Variants in LRP1B observed in about 807,000 individuals in gnomAD.
LRP1B encodes low-density lipoprotein receptor-related protein 1B.
Under a neutral mutation model 556.6 loss-of-function variants are expected in LRP1B, and 217 were observed. The ratio of observed to expected loss-of-function variants is 0.39; its 90% CI spans 0.35 to 0.44. The LOEUF is 0.44. Among genes scored for constraint, LRP1B ranks in the 20% least tolerant of loss-of-function variants. LRP1B has a pLI of 1.00. For missense variants in LRP1B, 5,053 were observed against 5,620.8 expected (o/e 0.90, Z 3.23); for synonymous variants, 2,047 against 1,865.8 (o/e 1.10, Z -2.50).
At chr2:141,963,028 A>G (rs1469661779) in intron 1 of LRP1B, among the ~76,000 whole-genome samples, 1 of 151,844 alleles carries the variant, frequency 6.6e-6, no homozygotes, top group African/African-American at 2.4e-5. Flanking sequence ...TTTATTCATT[A>G]GAAATGATTT....
intron 3 of LRP1B, among the ~76,000 whole-genome samples, chr2:141,364,307 A>G (rs1431476644): frequency 1.0e-4 from 15 of 150,352 alleles, no homozygotes; most frequent in African/African-American, 3.8e-4. Context: ...AAACACACAC[A>G]CAGTTGAATG....
chr2:141,402,393 T>C (rs1238945714), intron 3 of LRP1B, among the ~76,000 whole-genome samples: 1 of 152,080 alleles, frequency 6.6e-6, no homozygotes, highest in African/African-American at 2.4e-5. Context: ...TACAAAAATG[T>C]ATTTGGACCA....
intron 18 of LRP1B, among the ~76,000 whole-genome samples, chr2:140,958,936 T>A (rs987082052): frequency 1.3e-5 from 2 of 150,648 alleles, no homozygotes; most frequent in African/African-American, 4.9e-5. Context: ...ACCAGAAAAA[T>A]ATAAGAGGGA....
chr2:141,390,975 C>T (rs1690028937), intron 3 of LRP1B, among the ~76,000 whole-genome samples: 3 of 151,850 alleles, frequency 2.0e-5, no homozygotes, highest in Admixed American at 6.6e-5. Flanking sequence ...CAAATCATAT[C>T]CTTCACACTT....
intron 21 of LRP1B, among the ~76,000 whole-genome samples, chr2:140,913,978 C>T (rs1027049072): frequency 2.0e-5 from 3 of 151,970 alleles, no homozygotes; most frequent in Non-Finnish European, 4.4e-5. Context: ...GGGACCTGTT[C>T]AAAAAGCAAT....
intron 1 of LRP1B, among the ~76,000 whole-genome samples, chr2:141,855,659 A>G (rs1698026993): frequency 6.6e-6 from 1 of 152,116 alleles, no homozygotes; most frequent in South Asian, 2.1e-4. Context: ...AGACTGTTAG[A>G]GGTTTAGGGG....
At chr2:141,985,246 T>C (rs1702152691) in intron 1 of LRP1B, among the ~76,000 whole-genome samples, 2 of 152,212 alleles carry the variant, frequency 1.3e-5, no homozygotes, top group South Asian at 4.1e-4. Flanking sequence ...AGGTTAATAT[T>C]TAGAGGAGTA....
chr2:141,335,007 T>G (rs1687794153), intron 3 of LRP1B, among the ~76,000 whole-genome samples: 1 of 152,248 alleles, frequency 6.6e-6, no homozygotes, highest in Non-Finnish European at 1.5e-5. Context: ...TAACTCATTG[T>G]TGATTAAGAC....
At chr2:140,413,665 C>A (rs531348689) in intron 66 of LRP1B, among the ~76,000 whole-genome samples, 1 of 152,290 alleles carries the variant, frequency 6.6e-6, no homozygotes, top group South Asian at 2.1e-4. Flanking sequence ...CAAACATTCA[C>A]ATACCAGGAA....
intron 2 of LRP1B, among the ~76,000 whole-genome samples, chr2:141,702,400 C>G (rs1035042889): frequency 3.3e-5 from 5 of 151,966 alleles, no homozygotes; most frequent in African/African-American, 1.2e-4. Context: ...GGGATAGGTC[C>G]CAAGGTAGCT....
At chr2:141,588,595 C>A (rs1687220659) in intron 2 of LRP1B, among the ~76,000 whole-genome samples, 1 of 152,118 alleles carries the variant, frequency 6.6e-6, no homozygotes, top group South Asian at 2.1e-4. Flanking sequence ...ATACAAGTTC[C>A]CTCCATGGGC....
chr2:140,683,460 C>G, intron 41 of LRP1B: 1 of 554,730 alleles, frequency 1.8e-6, no homozygotes, highest in Non-Finnish European at 3.5e-6. Context: ...GATCATGTCT[C>G]CTTTTGGGGC....
chr2:141,750,708 C>A (rs1694076992), intron 2 of LRP1B, among the ~76,000 whole-genome samples: 1 of 151,868 alleles, frequency 6.6e-6, no homozygotes. Context: ...AACAGTGAAG[C>A]TTTTAAAATT....
At chr2:141,264,709 C>T (rs942249416) in intron 3 of LRP1B, among the ~76,000 whole-genome samples, 4 of 152,190 alleles carry the variant, frequency 2.6e-5, no homozygotes, top group African/African-American at 4.8e-5. Flanking sequence ...CCTGCCTTGG[C>T]CTCCCGAAGA....
At chr2:140,953,705 G>GA in intron 18 of LRP1B, among the ~76,000 whole-genome samples, 1 of 152,066 alleles carries the variant, frequency 6.6e-6, no homozygotes, top group Middle Eastern at 3.4e-3. Context: ...TTATTTTGGA[G>GA]AAAAATATAT....
intron 25 of LRP1B, among the ~76,000 whole-genome samples, chr2:140,875,945 C>T (rs2105172338): frequency 6.6e-6 from 1 of 152,238 alleles, no homozygotes; most frequent in Non-Finnish European, 1.5e-5. Flanking sequence ...GTGTCTTTGA[C>T]TATGACTGCC....
At chr2:141,383,661 G>A (rs902652180) in intron 3 of LRP1B, among the ~76,000 whole-genome samples, 3 of 152,130 alleles carry the variant, frequency 2.0e-5, no homozygotes, top group Non-Finnish European at 4.4e-5. Context: ...ATGCAGTAAA[G>A]TAGTATTCAG....
At chr2:141,859,199 A>G (rs1206525447) in intron 1 of LRP1B, among the ~76,000 whole-genome samples, 2 of 152,154 alleles carry the variant, frequency 1.3e-5, no homozygotes, top group African/African-American at 2.4e-5. Flanking sequence ...AATATTCCTA[A>G]TATCTATCAT....
chr2:141,139,897 A>T (rs577409339), intron 7 of LRP1B, among the ~76,000 whole-genome samples: 1 of 151,972 alleles, frequency 6.6e-6, no homozygotes, highest in Non-Finnish European at 1.5e-5. Context: ...CTTGTACACA[A>T]ATGATTATAG....
Sources: gnomAD v4.1 joint callset for allele counts (sites outside exome capture counted in the v4.1 genomes callset) on GRCh38, gnomAD v4.1.1 for gene constraint, MANE v1.5 for transcripts, NCBI Gene and HGNC (gene_info 2026-07-23, HGNC 2026-07-21) for gene names.